NFATC2: variants seen among roughly 807,000 people sequenced by gnomAD.
NFATC2 encodes nuclear factor of activated T cells 2.
In NFATC2, 22 loss-of-function variants were observed where a neutral mutation model predicts 87.3. The ratio of observed to expected loss-of-function variants is 0.25; its 90% CI spans 0.18 to 0.36. The LOEUF (loss-of-function observed/expected upper bound fraction) is 0.36. Ranked by LOEUF, NFATC2 falls within the 10% of genes least tolerant of loss-of-function variation. The probability of loss-of-function intolerance (pLI) is 1.00; values close to 1 mark genes in which losing one functional copy is unlikely to be tolerated. For missense variants in NFATC2, 1,149 were observed against 1,259.1 expected (o/e 0.91, Z 1.32); for synonymous variants, 565 against 542.2 (o/e 1.04, Z -0.58).
intron 1 of NFATC2, among the ~76,000 whole-genome samples, chr20:51,529,246 T>G (rs1381673408): frequency 6.6e-6 from 1 of 152,166 alleles, no homozygotes; most frequent in Admixed American, 6.5e-5. Flanking sequence ...AACGCAGTCC[T>G]GAAAACACAC....
Position 51,398,741 on chromosome 20 carries a change from T to G in NFATC2, c.2723-11A>C. On this transcript the variant is annotated splice_polypyrimidine_tract_variant and intron_variant, in intron 9 of 10. Transcript: ENST00000371564. ...GTGTGTCTATCAGCTCTGAAAAAGA[T>G]TTGCAAAATCATTTTTGAGAAGAAA... 1 of 1,592,152 alleles carries G rather than the reference T, an allele frequency of 6.3e-7. No individual in the cohort carries two copies. Among genetic ancestry groups the G allele is most frequent in the Non-Finnish European group, 8.6e-7 (1 of 1,164,346 alleles).
chr20:51,519,051 A>G (rs887069324), intron 2 of NFATC2, among the ~76,000 whole-genome samples: 1 of 152,100 alleles, frequency 6.6e-6, no homozygotes, highest in Non-Finnish European at 1.5e-5. Context: ...AGGGTATCCA[A>G]AGTGCCTTTA....
chr20:51,404,450 T>C (rs1988359388), intron 9 of NFATC2, among the ~76,000 whole-genome samples: 1 of 152,382 alleles, frequency 6.6e-6, no homozygotes, highest in African/African-American at 2.4e-5. Flanking sequence ...ACCACATTAC[T>C]TGTTTTGGGA....
intron 5 of NFATC2, among the ~76,000 whole-genome samples, chr20:51,466,597 G>A (rs1249725082): frequency 6.6e-6 from 1 of 152,048 alleles, no homozygotes; most frequent in East Asian, 1.9e-4. Flanking sequence ...CAACCTGCAC[G>A]GATCAGAGCC....
chr20:51,462,958 G>A (rs1021009075), intron 5 of NFATC2, among the ~76,000 whole-genome samples: 9 of 152,312 alleles, frequency 5.9e-5, no homozygotes, highest in African/African-American at 1.4e-4. Flanking sequence ...GAAAGACACC[G>A]GCCAGCCCAG....
intron 1 of NFATC2, among the ~76,000 whole-genome samples, chr20:51,540,658 G>GTTTTTTTTTTTTTTTTTT (rs397864888): frequency 1.8e-5 from 2 of 110,050 alleles, no homozygotes; most frequent in African/African-American, 7.4e-5. Context: ...TTTTTTTTTT[G>GTTTTTTTTTTTTTTTTTT]TTTTTTTTTT....
In NFATC2 at chr20:51,540,474, A is replaced by G. The variant is rs141406667; in HGVS notation, c.130+1896T>C. Among the ~76,000 whole-genome samples, 466 of 152,300 alleles carry G rather than the reference A, an allele frequency of 3.1e-3. 1 individual carries two copies. The highest frequency in any genetic ancestry group is 8.4e-3 in the African/African-American group (349 of 41,546). On this transcript the variant is annotated intron_variant, in intron 1 of 10. Coordinates refer to ENST00000371564, the MANE Select transcript of NFATC2 (RefSeq NM_012340.5). Reference sequence around the variant, plus strand: ...CACATAAAACATTCCCAATCTGAATAAGGCATAAACCTCAGTTAATAATGT... The same window carrying G: ...CACATAAAACATTCCCAATCTGAATGAGGCATAAACCTCAGTTAATAATGT...
At chr20:51,442,798 G>A (rs1191532690) in intron 6 of NFATC2, among the ~76,000 whole-genome samples, 1 of 151,352 alleles carries the variant, frequency 6.6e-6, no homozygotes, top group Non-Finnish European at 1.5e-5. Context: ...CAGCCTGAGA[G>A]GGAGGCTGGG....
rs947337671 is a variant in NFATC2, at chr20:51,418,664, T to G, written c.2722+13403A>C. Among the ~76,000 whole-genome samples, 11 of 146,180 alleles carry G rather than the reference T, an allele frequency of 7.5e-5. No homozygotes were observed. The East Asian group carries it at 2.2e-3, about 29-fold the overall frequency. ...TTTCTTTTGTTGTTTGTTTGGTTTT[T>G]TTTTTTTTTTTTTTTTGAGACGGAG... is the stretch of plus-strand genomic sequence containing the variant. On this transcript the variant is annotated intron_variant, in intron 9 of 10. Coordinates refer to ENST00000371564, the MANE Select transcript of NFATC2 (RefSeq NM_012340.5).
At chr20:51,403,474 G>A (rs911102861) in intron 9 of NFATC2, among the ~76,000 whole-genome samples, 1 of 152,164 alleles carries the variant, frequency 6.6e-6, no homozygotes, top group Non-Finnish European at 1.5e-5. Context: ...TTCACCCCTT[G>A]ATCAAACCTT....
At chr20:51,562,726 C>T, upstream of NFATC2, 2 of 1,253,338 alleles carry the variant, frequency 1.6e-6, no homozygotes, top group Non-Finnish European at 1.1e-6. This position sits in a 1 kb window ranked among gnomAD's most constrained non-coding sequence, Gnocchi z 5.8. Flanking sequence ...CGCGTGCCCG[C>T]GGGGCTGCCC....
chr20:51,421,331 A>C (rs1264267438), intron 9 of NFATC2, among the ~76,000 whole-genome samples: 1 of 152,178 alleles, frequency 6.6e-6, no homozygotes, highest in Non-Finnish European at 1.5e-5. Flanking sequence ...GAAGGAAGGT[A>C]GAGGGAGGGA....
At chr20:51,482,496 T>C (rs1433647902) in intron 3 of NFATC2, among the ~76,000 whole-genome samples, 1 of 152,224 alleles carries the variant, frequency 6.6e-6, no homozygotes, top group Non-Finnish European at 1.5e-5. Flanking sequence ...AACTTTTCTT[T>C]CATTCCAAAC....
At chr20:51,471,548 C>T (rs1439837779) in intron 5 of NFATC2, among the ~76,000 whole-genome samples, 1 of 152,214 alleles carries the variant, frequency 6.6e-6, no homozygotes, top group African/African-American at 2.4e-5. Context: ...ACCACCAATT[C>T]AGACTGATCC....
intron 10 of NFATC2, among the ~76,000 whole-genome samples, chr20:51,394,757 T>C (rs547870175): frequency 7.1e-6 from 1 of 140,030 alleles, no homozygotes; most frequent in East Asian, 1.9e-4. Flanking sequence ...TGAACCACTC[T>C]CCTGTATTAT....
Position 51,439,389 on chromosome 20 carries a change from C to T in NFATC2, c.1850-3628G>A, listed in dbSNP as rs138058375. Among the ~76,000 whole-genome samples the T allele has an allele frequency of 3.7e-3, 557 of 152,320 alleles. 4 individuals are homozygous for T. The highest frequency in any genetic ancestry group is 0.013 in the African/African-American group (522 of 41,562). On this transcript the variant is annotated intron_variant, in intron 6 of 10. Transcript: ENST00000371564. ...ACACAGCCAGACCCTGTGGGGAAGC[C>T]GGATTGGAACCCAGGCAGCCTGGCC... is the stretch of plus-strand genomic sequence containing the variant.
intron 10 of NFATC2, among the ~76,000 whole-genome samples, chr20:51,395,260 A>G: frequency 6.7e-6 from 1 of 149,256 alleles, no homozygotes; most frequent in East Asian, 1.9e-4. Flanking sequence ...GCAGACCAAT[A>G]CTCTCCCTAG....
At chr20:51,510,954 A>T (rs943795542) in intron 3 of NFATC2, among the ~76,000 whole-genome samples, 4 of 152,214 alleles carry the variant, frequency 2.6e-5, no homozygotes, top group Non-Finnish European at 5.9e-5. Flanking sequence ...AGATGATGTG[A>T]ACTGAAGCAT....
At chr20:51,522,897 G>GAGAA (rs1357217274) in intron 2 of NFATC2, among the ~76,000 whole-genome samples, 184 bp downstream of exon 2, 4 of 152,330 alleles carry the variant, frequency 2.6e-5, no homozygotes, top group African/African-American at 9.6e-5. Context: ...TTTTACAGAT[G>GAGAA]AGAAAAACCT....
Sources: allele counts gnomAD v4.1 joint callset (sites outside exome capture counted in the v4.1 genomes callset), GRCh38; gene constraint gnomAD v4.1.1; non-coding constraint Gnocchi (gnomAD v3.1); transcripts MANE v1.5; gene names NCBI Gene and HGNC (gene_info 2026-07-23, HGNC 2026-07-21).